The following RSRC1 variants were observed in gnomAD, a reference collection of about 807,000 sequenced individuals.
RSRC1 encodes arginine and serine rich coiled-coil 1, also known as serine/Arginine-related protein 53.
A neutral mutation model predicts 49.1 loss-of-function variants in RSRC1; 39 were observed. That is an observed-to-expected ratio of 0.79 (90% confidence interval 0.61 to 1.04). The LOEUF (loss-of-function observed/expected upper bound fraction) is 1.04. Ranked by LOEUF, RSRC1 falls within the 50% of genes least tolerant of loss-of-function variation. The probability of loss-of-function intolerance (pLI) is 0.00; values close to 1 mark genes in which losing one functional copy is unlikely to be tolerated. For synonymous variants in RSRC1, 143 were observed against 130.8 expected (o/e 1.09, Z -0.63); for missense variants, 388 against 402.4 (o/e 0.96, Z 0.31).
At chr3:158,138,933 CT>C (rs1192350324) in intron 3 of RSRC1, among the ~76,000 whole-genome samples, 12 of 151,998 alleles carry the variant, frequency 7.9e-5, no homozygotes, top group African/African-American at 2.9e-4. Flanking sequence ...TAATTATTCT[CT>C]TTACTTTCAT....
At chr3:158,188,141 A>G (rs1578177475) in intron 3 of RSRC1, among the ~76,000 whole-genome samples, 1 of 151,968 alleles carries the variant, frequency 6.6e-6, no homozygotes, top group African/African-American at 2.4e-5. Flanking sequence ...ACTCTATGCA[A>G]TGCCTTTGGT....
At chr3:158,405,922 A>C (rs1734141072) in intron 6 of RSRC1, among the ~76,000 whole-genome samples, 1 of 152,164 alleles carries the variant, frequency 6.6e-6, no homozygotes, top group Admixed American at 6.6e-5. Flanking sequence ...AATTTACTTT[A>C]AAGATAATAT....
chr3:158,234,993 G>A (rs1026339161), intron 4 of RSRC1, among the ~76,000 whole-genome samples: 2 of 152,080 alleles, frequency 1.3e-5, no homozygotes, highest in Non-Finnish European at 2.9e-5. Flanking sequence ...CCCAGAGCAT[G>A]AGGTAACTGC....
intron 3 of RSRC1, among the ~76,000 whole-genome samples, chr3:158,194,817 G>C (rs375944697): frequency 9.2e-5 from 14 of 152,144 alleles, no homozygotes; most frequent in African/African-American, 2.6e-4. Context: ...CCCTACAAAG[G>C]ACATGAACTC....
intron 7 of RSRC1, among the ~76,000 whole-genome samples, chr3:158,483,771 C>G (rs948618134): frequency 6.6e-6 from 1 of 151,914 alleles, no homozygotes; most frequent in African/African-American, 2.4e-5. Flanking sequence ...ATTCTGGTGC[C>G]TACAGTCTTG....
chr3:158,380,810 G>A (rs1233643259), intron 6 of RSRC1, among the ~76,000 whole-genome samples: 1 of 151,986 alleles, frequency 6.6e-6, no homozygotes, highest in Non-Finnish European at 1.5e-5. Flanking sequence ...TATTACATGT[G>A]TATTTTGAAA....
intron 7 of RSRC1, among the ~76,000 whole-genome samples, chr3:158,500,488 C>T (rs1032133764): frequency 1.3e-4 from 19 of 151,976 alleles, no homozygotes; most frequent in African/African-American, 4.6e-4. Context: ...TCCTTCTGGT[C>T]CTGGGCTTTT....
At chr3:158,529,324 T>G (rs1355295558) in intron 7 of RSRC1, among the ~76,000 whole-genome samples, 2 of 151,570 alleles carry the variant, frequency 1.3e-5, no homozygotes, top group African/African-American at 2.4e-5. Context: ...TATTACTTAT[T>G]ATAAATGGAT....
chr3:158,286,309 C>T (rs537999490), intron 4 of RSRC1, among the ~76,000 whole-genome samples: 3 of 152,224 alleles, frequency 2.0e-5, no homozygotes, highest in East Asian at 1.9e-4. Context: ...TCTAGCTGAG[C>T]GGTATAGTGT....
intron 6 of RSRC1, among the ~76,000 whole-genome samples, chr3:158,358,741 A>C (rs1457846165): frequency 6.6e-6 from 1 of 152,078 alleles, no homozygotes; most frequent in African/African-American, 2.4e-5. Flanking sequence ...CCGCTTACCT[A>C]CTAGCAGTTT....
In RSRC1 at chr3:158,388,706, T is replaced by C. The variant is rs1480664101; in HGVS notation, c.583+33798T>C. 3.3e-5 allele frequency among the ~76,000 whole-genome samples: 5 copies of C among 151,024 alleles called. No homozygotes were observed. In the East Asian group the frequency reaches 9.7e-4, roughly 29 times the overall value. On this transcript the variant is annotated intron_variant, in intron 6 of 9. Transcript: ENST00000611884. The stretch of plus-strand genomic sequence containing the variant: ...CTCACTGCAAACTCCGCCTCCCGGG[T>C]TGACGCCATTCTCCTGCCGCAGCCT...
At chr3:158,459,554 T>C (rs1737513123) in intron 6 of RSRC1, among the ~76,000 whole-genome samples, 1 of 152,072 alleles carries the variant, frequency 6.6e-6, no homozygotes, top group Admixed American at 6.6e-5. Flanking sequence ...ACTCAAGGGG[T>C]ATATCTACAA....
intron 7 of RSRC1, among the ~76,000 whole-genome samples, chr3:158,461,355 G>T (rs1277279532): frequency 6.6e-6 from 1 of 151,838 alleles, no homozygotes; most frequent in African/African-American, 2.4e-5. Context: ...CAGTAGTGAT[G>T]AAGAAAAGTC....
intron 4 of RSRC1, among the ~76,000 whole-genome samples, chr3:158,227,962 A>G (rs1578216636): frequency 6.6e-6 from 1 of 152,074 alleles, no homozygotes; most frequent in East Asian, 1.9e-4. Context: ...GTTGTATAGA[A>G]TAGTGCTCTC....
At chr3:158,224,965 T>C (rs1406242112) in intron 4 of RSRC1, among the ~76,000 whole-genome samples, 5 of 151,876 alleles carry the variant, frequency 3.3e-5, no homozygotes, top group African/African-American at 1.2e-4. Flanking sequence ...CTATAAATAT[T>C]GTGATAGTAG....
chr3:158,534,968 A>G (rs1283101951), intron 7 of RSRC1, among the ~76,000 whole-genome samples: 1 of 151,524 alleles, frequency 6.6e-6, no homozygotes, highest in Non-Finnish European at 1.5e-5. Context: ...TTGGAGTAAG[A>G]ACTAGGGACA....
At chr3:158,115,114 G>A (rs376668032) in intron 1 of RSRC1, among the ~76,000 whole-genome samples, 2 of 152,054 alleles carry the variant, frequency 1.3e-5, no homozygotes, top group Non-Finnish European at 1.5e-5. Flanking sequence ...TTCTCATTCC[G>A]TATGATATTG....
chr3:158,235,031 CA>C (rs1723164573), intron 4 of RSRC1, among the ~76,000 whole-genome samples: 2 of 152,220 alleles, frequency 1.3e-5, no homozygotes, highest in South Asian at 4.1e-4. Flanking sequence ...CAGGGTTACA[CA>C]GATGGAAATT....
At chr3:158,404,654 G>T (rs1578434312) in intron 6 of RSRC1, among the ~76,000 whole-genome samples, 1 of 151,832 alleles carries the variant, frequency 6.6e-6, no homozygotes, top group Non-Finnish European at 1.5e-5. Flanking sequence ...TGAGATTGAA[G>T]TAGAAACTCA....
Sources: gnomAD v4.1 joint callset for allele counts (sites outside exome capture counted in the v4.1 genomes callset) on GRCh38, gnomAD v4.1.1 for gene constraint, MANE v1.5 for transcripts, NCBI Gene and HGNC (gene_info 2026-07-23, HGNC 2026-07-21) for gene names.